ARHGEF10: variants seen among roughly 807,000 people sequenced by gnomAD.
ARHGEF10 encodes the protein Rho guanine nucleotide exchange factor (GEF) 10.
Under a neutral mutation model 147.4 loss-of-function variants are expected in ARHGEF10, and 140 were observed. The ratio of observed to expected loss-of-function variants is 0.95; its 90% CI spans 0.83 to 1.09. The LOEUF (loss-of-function observed/expected upper bound fraction) is 1.09, where lower values mean the gene tolerates loss of function less well. ARHGEF10 is among the 50% of genes least tolerant of loss of function. The pLI is 0.00. For missense variants in ARHGEF10, 2,222 were observed against 1,752.7 expected (o/e 1.27, Z -4.78); for synonymous variants, 902 against 695.8 (o/e 1.30, Z -4.67).
At chr8:1,929,037 T>C (rs1267836033) in intron 24 of ARHGEF10, among the ~76,000 whole-genome samples, 1 of 152,196 alleles carries the variant, frequency 6.6e-6, no homozygotes, top group African/African-American at 2.4e-5. Context: ...AAAATGATTT[T>C]CCTGATGTGA....
At chr8:1,854,923 A>T (rs1404003146) in intron 2 of ARHGEF10, among the ~76,000 whole-genome samples, 1 of 152,028 alleles carries the variant, frequency 6.6e-6, no homozygotes, top group Non-Finnish European at 1.5e-5. Context: ...CACACGGGAC[A>T]TGCACTGTCC....
rs754388229 is a variant in ARHGEF10 at position 1,957,005 on chromosome 8, A to T, written c.3777A>T (p.Ser1259=). The T allele has an allele frequency of 1.2e-6, 2 of 1,614,088 alleles. No homozygotes were observed. Among genetic ancestry groups the T allele is most frequent in the South Asian group, 1.1e-5 (1 of 91,086 alleles). Residue 1259 remains serine, a synonymous_variant, in exon 29 of 29, where the codon TCA becomes TCT. Coordinates refer to ENST00000349830, the MANE Select transcript of ARHGEF10 (RefSeq NM_014629.4). ...CTCAGAAAAGCGACCTGTCCTCCTC[A>T]TCTGGGTCCCTGAGCTTGTCTCACG... is the stretch of plus-strand genomic sequence containing the variant. ...SMTQKSDLSS[S]SGSLSLSHGS...
At chr8:1,877,875 C>A (rs1017020163) in intron 8 of ARHGEF10, among the ~76,000 whole-genome samples, 1 of 151,980 alleles carries the variant, frequency 6.6e-6, no homozygotes, top group Non-Finnish European at 1.5e-5. Flanking sequence ...AGATGGTGAA[C>A]GGATGCCCGC....
chr8:1,846,355 C>G lies in ARHGEF10; in HGVS notation c.37+2919C>G, dbSNP rs752833871. 4.6e-5 allele frequency among the ~76,000 whole-genome samples: 7 copies of G among 152,170 alleles called. No individual in the cohort carries two copies. The South Asian group carries it at 1.0e-3, about 22-fold the overall frequency. On this transcript the variant is annotated intron_variant, in intron 2 of 28. Coordinates refer to ENST00000349830, the MANE Select transcript of ARHGEF10 (RefSeq NM_014629.4). ...AGAAATAGGGATAATGGCCTGGTGT[C>G]TTTTCTGAGGATTCTGTGGTACTTT... is the stretch of plus-strand genomic sequence containing the variant.
chr8:1,893,912 C>T (rs764216966), intron 12 of ARHGEF10, among the ~76,000 whole-genome samples: 5 of 151,868 alleles, frequency 3.3e-5, no homozygotes, highest in Non-Finnish European at 7.4e-5. Flanking sequence ...GGTGGCTCAC[C>T]CCTGTAATCC....
chr8:1,942,825 C>A (rs1380029490), intron 26 of ARHGEF10, among the ~76,000 whole-genome samples: 1 of 151,836 alleles, frequency 6.6e-6, no homozygotes, highest in Non-Finnish European at 1.5e-5. Flanking sequence ...GTGAAAGAAG[C>A]CAGACACAAA....
chr8:1,835,370 G>C (rs561077685), intron 1 of ARHGEF10, among the ~76,000 whole-genome samples: 16 of 152,174 alleles, frequency 1.1e-4, no homozygotes, highest in Non-Finnish European at 1.9e-4. Flanking sequence ...CTGAGGCCGT[G>C]GGGGTACAGG....
intron 1 of ARHGEF10, among the ~76,000 whole-genome samples, chr8:1,839,710 C>G (rs1459487795): frequency 1.4e-5 from 2 of 145,000 alleles, no homozygotes; most frequent in East Asian, 4.3e-4. Flanking sequence ...TGGGGACTGT[C>G]TGGTGTGGGG....
chr8:1,947,312 C>T (rs1814670069), intron 27 of ARHGEF10, among the ~76,000 whole-genome samples: 1 of 152,190 alleles, frequency 6.6e-6, no homozygotes, highest in Admixed American at 6.5e-5. Flanking sequence ...AGCTGCCCTG[C>T]AGCGCAGACC....
chr8:1,903,077 G>GT (rs937393510), intron 15 of ARHGEF10, among the ~76,000 whole-genome samples: 2 of 150,502 alleles, frequency 1.3e-5, no homozygotes, highest in African/African-American at 5.0e-5. Context: ...TTTCAATTTT[G>GT]TTTTTGCAAA....
intron 11 of ARHGEF10, among the ~76,000 whole-genome samples, chr8:1,891,844 G>C (rs4875940): frequency 0.42 from 63,261 of 151,504 alleles, 13,400 homozygotes; most frequent in East Asian, 0.53. Flanking sequence ...ATGAAACCCA[G>C]AATATTGGTT....
intron 2 of ARHGEF10, among the ~76,000 whole-genome samples, chr8:1,845,077 T>A (rs1057142243): frequency 1.3e-5 from 2 of 152,184 alleles, no homozygotes; most frequent in Non-Finnish European, 2.9e-5. Flanking sequence ...AAGTTGAGGC[T>A]GCAGTGAGCC....
intron 27 of ARHGEF10, among the ~76,000 whole-genome samples, chr8:1,952,350 C>T (rs548241552): frequency 5.4e-4 from 83 of 152,312 alleles, no homozygotes; most frequent in African/African-American, 1.8e-3. Context: ...CGGGGGCTCA[C>T]GAGCTCACGT....
At chr8:1,890,294 T>C (rs1809386189) in intron 11 of ARHGEF10, among the ~76,000 whole-genome samples, 1 of 145,910 alleles carries the variant, frequency 6.9e-6, no homozygotes, top group South Asian at 2.2e-4. Flanking sequence ...GTGAGGGTTC[T>C]GAGGAGACAC....
At chr8:1,901,206 C>T (rs1384792489) in intron 15 of ARHGEF10, among the ~76,000 whole-genome samples, 3 of 152,116 alleles carry the variant, frequency 2.0e-5, no homozygotes, top group Non-Finnish European at 4.4e-5. Flanking sequence ...CAGGTACAAG[C>T]ACATACCCTC....
intron 13 of ARHGEF10, among the ~76,000 whole-genome samples, chr8:1,895,848 C>T (rs552233964): frequency 2.3e-4 from 35 of 152,222 alleles, no homozygotes; most frequent in African/African-American, 6.0e-4. Context: ...TTTAGGAAAA[C>T]GAACACGTGT....
chr8:1,902,214 T>A (rs1434338157), intron 15 of ARHGEF10, among the ~76,000 whole-genome samples: 1 of 152,094 alleles, frequency 6.6e-6, no homozygotes, highest in Non-Finnish European at 1.5e-5. Context: ...GTGATCTCAT[T>A]GCAGAACCAC....
chr8:1,891,411 G>T (rs1393261043), intron 11 of ARHGEF10, among the ~76,000 whole-genome samples: 1 of 152,140 alleles, frequency 6.6e-6, no homozygotes, highest in Non-Finnish European at 1.5e-5. Flanking sequence ...TAATTTGGGG[G>T]TGGAAAAAGG....
intron 11 of ARHGEF10, among the ~76,000 whole-genome samples, chr8:1,892,478 C>G (rs1644907938): frequency 6.6e-6 from 1 of 152,090 alleles, no homozygotes; most frequent in Non-Finnish European, 1.5e-5. Context: ...CATTGTTAAT[C>G]AGGTTTTGTA....
Sources: allele counts gnomAD v4.1 joint callset (sites outside exome capture counted in the v4.1 genomes callset), GRCh38; gene constraint gnomAD v4.1.1; transcripts MANE v1.5; gene names NCBI Gene and HGNC (gene_info 2026-07-23, HGNC 2026-07-21).